The following FAM13C variants were observed in gnomAD, a reference collection of about 807,000 sequenced individuals.
FAM13C encodes family with sequence similarity 13 member C.
In FAM13C, 37 loss-of-function variants were observed where a neutral mutation model predicts 73.2. The observed-to-expected ratio is 0.51, with a 90% CI of 0.39 to 0.67. The LOEUF is 0.67. Ranked by LOEUF, FAM13C falls within the 30% of genes least tolerant of loss-of-function variation. FAM13C has a pLI of 0.00. For missense variants in FAM13C, 589 were observed against 715.6 expected (o/e 0.82, Z 2.02); for synonymous variants, 246 against 260.9 (o/e 0.94, Z 0.55).
At chr10:59,300,127 A>G (rs1847414355) in intron 5 of FAM13C, among the ~76,000 whole-genome samples, 1 of 152,202 alleles carries the variant, frequency 6.6e-6, no homozygotes, top group East Asian at 1.9e-4. Context: ...TCACTGTGCC[A>G]GGCAGAGAAG....
Position 59,262,505 on chromosome 10 carries a change from C to G in FAM13C, c.1165G>C (p.Glu389Gln). The stretch of plus-strand genomic sequence containing the variant: ...CATGTCAAGGCAGCATCTGGAGTCT[C>G]TTCTCCAGAGGAGCTTGGCTCCGGG... Reference protein sequence around the residue: ...AGPEPSSSGEETPDAALTCLK... With the variant: ...AGPEPSSSGEQTPDAALTCLK... The change falls in exon 10 of 14, where the codon GAG (glutamate) becomes CAG (glutamine). Residue 389 changes from glutamate (E) to glutamine (Q), a missense_variant. Transcript: ENST00000618804. 1.2e-6 allele frequency: 2 copies of G among 1,613,748 alleles called. No homozygotes were observed. The highest frequency in any genetic ancestry group is 1.7e-6 in the Non-Finnish European group (2 of 1,179,752).
At chr10:59,314,570 T>C (rs1033367675) in intron 4 of FAM13C, among the ~76,000 whole-genome samples, 3 of 152,184 alleles carry the variant, frequency 2.0e-5, no homozygotes, top group Non-Finnish European at 4.4e-5. Context: ...ATTTATTCAA[T>C]AGGCTGGGTT....
At chr10:59,249,028 G>GA (rs1564469777) in intron 13 of FAM13C, among the ~76,000 whole-genome samples, 1 of 152,150 alleles carries the variant, frequency 6.6e-6, no homozygotes, top group Non-Finnish European at 1.5e-5. Flanking sequence ...TCTAAGTAAA[G>GA]AAATTGTCTA....
intron 3 of FAM13C, 40 bp from the exon 4 acceptor site, chr10:59,324,146 G>A: frequency 6.7e-7 from 1 of 1,501,964 alleles, no homozygotes; most frequent in Non-Finnish European, 9.2e-7. Flanking sequence ...GCTGTCAACA[G>A]CAATCAGTTC....
At chr10:59,329,531 G>A (rs1005500878) in intron 3 of FAM13C, among the ~76,000 whole-genome samples, 3 of 151,600 alleles carry the variant, frequency 2.0e-5, no homozygotes, top group African/African-American at 7.3e-5. Flanking sequence ...GCTAATTTTT[G>A]TATTTTTAGT....
intron 7 of FAM13C, 116 bp downstream of exon 7, chr10:59,269,783 G>A (rs768712822): frequency 2.6e-5 from 31 of 1,201,348 alleles, no homozygotes; most frequent in Middle Eastern, 2.3e-4. Context: ...TTCCAGTCTC[G>A]CAGTTGCGTT....
chr10:59,337,288 GGA>G (rs1852842404), intron 3 of FAM13C, among the ~76,000 whole-genome samples: 1 of 152,216 alleles, frequency 6.6e-6, no homozygotes, highest in Admixed American at 6.5e-5. Flanking sequence ...TATAGGGCTT[GGA>G]GACCCTTAGA....
chr10:59,312,436 C>T (rs1485376261), intron 4 of FAM13C, among the ~76,000 whole-genome samples: 1 of 152,142 alleles, frequency 6.6e-6, no homozygotes, highest in African/African-American at 2.4e-5. Flanking sequence ...CAGCACCTCC[C>T]ACAGGGATGA....
At chr10:59,264,044 G>C (rs562406190) in intron 9 of FAM13C, 41 bp downstream of exon 9, 2 of 1,570,156 alleles carry the variant, frequency 1.3e-6, no homozygotes, top group Admixed American at 1.7e-5. Context: ...TAGTTTAACT[G>C]CTTCCTTTGT....
At chr10:59,362,757 C>T (rs973966804), upstream of FAM13C, 159 of 470,708 alleles carry the variant, frequency 3.4e-4, 1 homozygote, top group East Asian at 6.1e-3. Flanking sequence ...ACGACCCCGA[C>T]CTCGCCAGCC....
At chr10:59,291,900 T>C (rs1057210939) in intron 5 of FAM13C, among the ~76,000 whole-genome samples, 14 of 149,154 alleles carry the variant, frequency 9.4e-5, no homozygotes, top group Non-Finnish European at 3.0e-5. Context: ...GCCATTCTCC[T>C]GCCTCAGCCT....
At chr10:59,322,892 T>A (rs1213217600) in intron 4 of FAM13C, among the ~76,000 whole-genome samples, 1 of 152,172 alleles carries the variant, frequency 6.6e-6, no homozygotes, top group Non-Finnish European at 1.5e-5. Flanking sequence ...AGGTATTACC[T>A]GAGGTCAGGT....
intron 5 of FAM13C, among the ~76,000 whole-genome samples, chr10:59,300,104 G>A (rs781274119): frequency 3.0e-4 from 45 of 152,128 alleles, no homozygotes; most frequent in Non-Finnish European, 5.4e-4. Flanking sequence ...ACATGGATAC[G>A]CTACACCATG....
chr10:59,261,475 A>T (rs1236659703), intron 10 of FAM13C, among the ~76,000 whole-genome samples: 1 of 152,168 alleles, frequency 6.6e-6, no homozygotes, highest in Non-Finnish European at 1.5e-5. Context: ...CCTCAAGAAG[A>T]CTTCATTTGA....
At chr10:59,305,485 A>G (rs1848150134) in intron 4 of FAM13C, among the ~76,000 whole-genome samples, 1 of 152,244 alleles carries the variant, frequency 6.6e-6, no homozygotes, top group Non-Finnish European at 1.5e-5. Context: ...CTAATTATTT[A>G]CAGTTACTAT....
At chr10:59,248,973 A>G (rs890892068) in intron 13 of FAM13C, among the ~76,000 whole-genome samples, 1 of 152,216 alleles carries the variant, frequency 6.6e-6, no homozygotes, top group Non-Finnish European at 1.5e-5. Context: ...AGTCAAACTT[A>G]TCATGGCTGG....
chr10:59,289,004 C>T (rs535242699), intron 5 of FAM13C, among the ~76,000 whole-genome samples: 1 of 152,200 alleles, frequency 6.6e-6, no homozygotes, highest in African/African-American at 2.4e-5. Context: ...GAGTAATCTA[C>T]ACTAGCAGTC....
At chr10:59,332,441 T>C (rs1358392405) in intron 3 of FAM13C, among the ~76,000 whole-genome samples, 2 of 151,794 alleles carry the variant, frequency 1.3e-5, no homozygotes, top group East Asian at 3.9e-4. Context: ...GAAAGAGAAA[T>C]AGGAAGAAAA....
intron 10 of FAM13C, among the ~76,000 whole-genome samples, chr10:59,261,170 G>C (rs1842469196): frequency 6.6e-6 from 1 of 152,118 alleles, no homozygotes; most frequent in African/African-American, 2.4e-5. Context: ...ATATGCAGAA[G>C]TTACCCACTG....
Sources: gnomAD v4.1 joint callset for allele counts (sites outside exome capture counted in the v4.1 genomes callset) on GRCh38, gnomAD v4.1.1 for gene constraint, MANE v1.5 for transcripts, NCBI Gene and HGNC (gene_info 2026-07-23, HGNC 2026-07-21) for gene names.